CNGB1: variants seen among roughly 807,000 people sequenced by gnomAD.
The protein encoded by CNGB1 is cyclic nucleotide-gated channel beta-1.
Under a neutral mutation model 151.7 loss-of-function variants are expected in CNGB1, and 126 were observed. The observed-to-expected ratio is 0.83, with a 90% CI of 0.72 to 0.96. The LOEUF (loss-of-function observed/expected upper bound fraction) is 0.96, where lower values mean the gene tolerates loss of function less well. CNGB1 is among the 40% of genes least tolerant of loss of function. CNGB1 has a pLI of 0.00. For synonymous variants in CNGB1, 623 were observed against 635.1 expected (o/e 0.98, Z 0.29); for missense variants, 1,698 against 1,627.0 (o/e 1.04, Z -0.75).
intron 12 of CNGB1, among the ~76,000 whole-genome samples, chr16:57,953,888 G>GAAA (rs111299309): frequency 1.4e-5 from 2 of 147,444 alleles, no homozygotes; most frequent in African/African-American, 4.9e-5. Flanking sequence ...AAGAAAGAAA[G>GAAA]AAAAAAAAAA....
At chr16:57,923,505 A>G in intron 17 of CNGB1, 125 bp from the exon 18 acceptor site, 1 of 781,898 alleles carries the variant, frequency 1.3e-6, no homozygotes, top group Admixed American at 2.1e-5. Flanking sequence ...GGGGCGGAGC[A>G]TGAACTTCTG....
chr16:57,887,064 T>A (rs1959951091), intron 32 of CNGB1, among the ~76,000 whole-genome samples: 1 of 152,004 alleles, frequency 6.6e-6, no homozygotes, highest in Admixed American at 6.5e-5. Context: ...AAAGAAAAAA[T>A]TTGTAGAGAC....
rs755851129 is a variant in CNGB1, at chr16:57,967,294, C to T, written c.-8G>A. The T allele has an allele frequency of 1.9e-6, 3 of 1,614,070 alleles. No individual in the cohort carries two copies. Among genetic ancestry groups the T allele is most frequent in the Admixed American group, 3.3e-5 (2 of 60,004 alleles). ...CTGGACCCAGCCCAACATCCTGATG[C>T]CTGTAGGAGACAGAGTCCTTAGCCC... is the stretch of plus-strand genomic sequence containing the variant. On this transcript the variant is annotated splice_region_variant and 5_prime_UTR_variant, in exon 2 of 33. Transcript: ENST00000251102.
At chr16:57,912,811 T>C (rs1960762319) in intron 24 of CNGB1, 119 bp downstream of exon 24, 4 of 1,000,616 alleles carry the variant, frequency 4.0e-6, no homozygotes, top group South Asian at 1.3e-5. Flanking sequence ...TGTGTGTGTG[T>C]TGTGTGTGTC....
intron 16 of CNGB1, among the ~76,000 whole-genome samples, chr16:57,937,534 A>G (rs1366733450): frequency 6.6e-6 from 1 of 152,102 alleles, no homozygotes; most frequent in Non-Finnish European, 1.5e-5. Flanking sequence ...TGGCTGGCCC[A>G]CCCAGGAGCA....
At chr16:57,952,989 C>G (rs1179382365) in intron 12 of CNGB1, among the ~76,000 whole-genome samples, 3 of 152,184 alleles carry the variant, frequency 2.0e-5, no homozygotes, top group Non-Finnish European at 4.4e-5. Context: ...GTGCAGGAGC[C>G]CCTGGCCCAC....
chr16:57,924,323 G>C (rs1351720456), intron 17 of CNGB1, among the ~76,000 whole-genome samples: 1 of 152,054 alleles, frequency 6.6e-6, no homozygotes, highest in African/African-American at 2.4e-5. Context: ...AAGAAACCAA[G>C]CTCCAGTGTT....
intron 14 of CNGB1, among the ~76,000 whole-genome samples, chr16:57,940,741 G>A (rs1010780217): frequency 4.6e-5 from 7 of 152,152 alleles, no homozygotes; most frequent in Non-Finnish European, 8.8e-5. Context: ...GATGGGTAGA[G>A]CATGACAAAA....
At chr16:57,935,756 C>CTTT (rs71385136) in intron 16 of CNGB1, among the ~76,000 whole-genome samples, 1 of 146,386 alleles carries the variant, frequency 6.8e-6, no homozygotes. Flanking sequence ...TTTCCTTTTT[C>CTTT]TTTTTTTTTT....
rs1959977109 is a variant in CNGB1, at chr16:57,887,913, CG to C, written c.3403del (p.Arg1135GlyfsTer89). ...CTCCAGCGCGGCCAGTTCTTTGAGC[CG>C]GGCCCGGAGGTGAGCAAGTTTGCCG... ...KGGKLAHLRA[R>X]LKELAALEAA... On this transcript the variant is annotated frameshift_variant, in exon 32 of 33. Transcript: ENST00000251102. LOFTEE classifies it high-confidence loss of function. The C allele has an allele frequency of 1.9e-6, 3 of 1,614,074 alleles. No homozygotes were observed. In the South Asian group the frequency reaches 3.3e-5, roughly 18 times the overall value.
At chr16:57,936,834 GAGAA>G (rs752601013) in intron 16 of CNGB1, among the ~76,000 whole-genome samples, 2 of 151,774 alleles carry the variant, frequency 1.3e-5, no homozygotes, top group Non-Finnish European at 2.9e-5. Flanking sequence ...GAAAGAGGAA[GAGAA>G]AGAGAGAGAA....
chr16:57,924,753 TGG>T (rs1961141215), intron 17 of CNGB1, among the ~76,000 whole-genome samples: 1 of 152,282 alleles, frequency 6.6e-6, no homozygotes. Flanking sequence ...TTCTCATGAA[TGG>T]TTTGGCAACA....
intron 12 of CNGB1, among the ~76,000 whole-genome samples, chr16:57,954,094 T>C (rs1252342949): frequency 2.0e-5 from 3 of 152,172 alleles, no homozygotes; most frequent in Non-Finnish European, 4.4e-5. Context: ...TGGCTCCCCA[T>C]TGCCTACAGC....
At chr16:57,966,309 G>A (rs1267035460) in intron 2 of CNGB1, among the ~76,000 whole-genome samples, 1 of 152,166 alleles carries the variant, frequency 6.6e-6, no homozygotes, top group Non-Finnish European at 1.5e-5. Flanking sequence ...TGAGTCCCCG[G>A]GGCAATGCCT....
At chr16:57,910,898 C>T (rs1211015203) in intron 25 of CNGB1, among the ~76,000 whole-genome samples, 2 of 152,110 alleles carry the variant, frequency 1.3e-5, no homozygotes, top group African/African-American at 2.4e-5. Flanking sequence ...GTACCACGGG[C>T]GTGTCCTTAA....
intron 27 of CNGB1, 21 bp from the exon 28 acceptor site, chr16:57,901,646 G>T (rs1346449108): frequency 6.2e-7 from 1 of 1,606,892 alleles, no homozygotes; most frequent in South Asian, 1.1e-5. Flanking sequence ...GGCCTGGCAA[G>T]GGTCAGAGGC....
intron 19 of CNGB1, among the ~76,000 whole-genome samples, chr16:57,919,548 T>G (rs1181894753): frequency 6.6e-6 from 1 of 152,190 alleles, no homozygotes; most frequent in African/African-American, 2.4e-5. Context: ...GCCAGTTGGA[T>G]GTTTCAATGT....
intron 12 of CNGB1, among the ~76,000 whole-genome samples, chr16:57,954,353 C>T (rs924972954): frequency 6.6e-6 from 1 of 152,166 alleles, no homozygotes; most frequent in Admixed American, 6.5e-5. Flanking sequence ...CAGCAGCTGC[C>T]CAGACTGTCC....
In CNGB1 at chr16:57,920,296, C is replaced by T. The variant is rs571478601; in HGVS notation, c.1801+91G>A. The T allele has an allele frequency of 9.3e-4, 1,378 of 1,484,536 alleles. 1 individual carries two copies. Among genetic ancestry groups the T allele is most frequent in the Non-Finnish European group, 1.2e-3 (1,269 of 1,071,792 alleles). The allele number at this position is 1,484,536 out of a possible 1,614,324, so 92.0% of individuals were successfully genotyped here. A position where few individuals can be genotyped will look rare whatever the true frequency, so the allele number is the denominator to read the frequency against. ...TTCTCTCATGGACCTCAACCATTTCCTTGGGGCCACCCTTGCCATGAGTTG... is the reference window on the plus strand; with the variant it reads ...TTCTCTCATGGACCTCAACCATTTCTTTGGGGCCACCCTTGCCATGAGTTG... On this transcript the variant is annotated intron_variant, in intron 19 of 32. Transcript: ENST00000251102.
Sources: gnomAD v4.1 joint callset for allele counts (sites outside exome capture counted in the v4.1 genomes callset) on GRCh38, gnomAD v4.1.1 for gene constraint, MANE v1.5 for transcripts, NCBI Gene and HGNC (gene_info 2026-07-23, HGNC 2026-07-21) for gene names.